Variants in ABCG8 observed in about 807,000 individuals in gnomAD.
ABCG8 encodes the protein ATP-binding cassette sub-family G member 8.
Under a neutral mutation model 71.3 loss-of-function variants are expected in ABCG8, and 81 were observed. The ratio of observed to expected loss-of-function variants is 1.14; its 90% confidence interval spans 0.95 to 1.37. The LOEUF (loss-of-function observed/expected upper bound fraction) is 1.37, where lower values mean the gene tolerates loss of function less well. Among genes scored for constraint, ABCG8 ranks in the 40% most tolerant of loss-of-function variants. The probability of loss-of-function intolerance (pLI) is 0.00; values close to 1 mark genes in which losing one functional copy is unlikely to be tolerated. For synonymous variants in ABCG8, 451 were observed against 354.7 expected, an observed-to-expected ratio of 1.27 and a Z score of -3.05; for missense variants, 1,119 against 866.2, an observed-to-expected ratio of 1.29 and a Z score of -3.66.
At chr2:43,867,547 C>T (rs143141324) in intron 6 of ABCG8, among the ~76,000 whole-genome samples, 1 of 150,384 alleles carries the variant, frequency 6.6e-6, no homozygotes, top group Non-Finnish European at 1.5e-5. Context: ...GCATGGAACT[C>T]TCACTATCTG....
intron 11 of ABCG8, 72 bp downstream of exon 11, chr2:43,875,485 T>C (rs1669932450): frequency 3.2e-6 from 5 of 1,548,734 alleles, no homozygotes; most frequent in Admixed American, 1.8e-5. Context: ...TGCTTTCATC[T>C]GGAGATGGAC....
chr2:43,877,713 T>C (rs751396248), intron 12 of ABCG8, 25 bp downstream of exon 12: 50 of 1,614,028 alleles, frequency 3.1e-5, no homozygotes, highest in Non-Finnish European at 4.2e-5. Context: ...CCTCGGGTTC[T>C]AAATTATTGG....
rs558820310 is a variant in ABCG8 at position 43,877,529 on chromosome 2, C to T, written c.1757-32C>T. 21 of 1,612,726 alleles carry T rather than the reference C, an allele frequency of 1.3e-5. No homozygotes were observed. The South Asian group carries it at 2.0e-4, about 15-fold the overall frequency. On this transcript the variant is annotated intron_variant, in intron 11 of 12. Coordinates refer to ENST00000272286, the MANE Select transcript of ABCG8 (RefSeq NM_022437.3). ...GGGGAAACCATGAGAATATGAGGGA[C>T]ACCTGTGAGTAACGCGGCTGTCTGT...
rs566362108 is a variant in ABCG8, at chr2:43,839,048, G to C, written c.-6G>C. 1 of 1,550,914 alleles carries C rather than the reference G, an allele frequency of 6.4e-7. No individual in the cohort carries two copies. Among genetic ancestry groups the C allele is most frequent in the African/African-American group, 1.4e-5 (1 of 73,166 alleles). ...TGCAGCCCAGGGTCACAGACCTGTGGGCCCCATGGCCGGGAAGGCGGCAGA... is the reference window on the plus strand; with the variant it reads ...TGCAGCCCAGGGTCACAGACCTGTGCGCCCCATGGCCGGGAAGGCGGCAGA... On this transcript the variant is annotated 5_prime_UTR_variant, in exon 1 of 13. Transcript: ENST00000272286.
At chr2:43,863,173 G>A (rs982671882) in intron 6 of ABCG8, among the ~76,000 whole-genome samples, 8 of 149,040 alleles carry the variant, frequency 5.4e-5, no homozygotes, top group Non-Finnish European at 1.2e-4. Context: ...TTCACTCTCT[G>A]GATATAACTC....
chr2:43,877,814 C>T lies in ABCG8; in HGVS notation c.1923C>T (p.Tyr641=), dbSNP rs369023184. The T allele has an allele frequency of 6.2e-6, 10 of 1,614,060 alleles. No homozygotes were observed. Among genetic ancestry groups the T allele is most frequent in the East Asian group, 2.2e-5 (1 of 44,896 alleles). The change falls in exon 13 of 13, where the codon TAC becomes TAT. Residue 641 remains tyrosine (Y), a synonymous_variant. Coordinates refer to ENST00000272286, the MANE Select transcript of ABCG8 (RefSeq NM_022437.3). ...SVMELDSYPL[Y]AIYLIVIGLS... ...TGGAGCTGGACTCGTACCCTCTCTA[C>T]GCCATCTACCTCATCGTCATTGGCC...
chr2:43,846,406 G>A lies in ABCG8; in HGVS notation c.322+95G>A, dbSNP rs2104912704. 3.9e-6 allele frequency: 6 copies of A among 1,554,050 alleles called. 1 individual carries two copies. In the South Asian group the frequency reaches 5.6e-5, roughly 15 times the overall value. On this transcript the variant is annotated intron_variant, in intron 3 of 12. Transcript: ENST00000272286. ...GATGCTTCTTATGGAGCTCTTTGCT[G>A]ACTAGTAGAATAATACAGCAGAATG...
chr2:43,860,541 C>G (rs562605281), intron 6 of ABCG8, among the ~76,000 whole-genome samples: 7 of 151,314 alleles, frequency 4.6e-5, no homozygotes, highest in Non-Finnish European at 1.0e-4. Context: ...AATTCTCACT[C>G]TCTCGATTGA....
intron 6 of ABCG8, among the ~76,000 whole-genome samples, chr2:43,858,274 C>G (rs1669182759): frequency 6.6e-6 from 1 of 150,764 alleles, no homozygotes; most frequent in Non-Finnish European, 1.5e-5. Context: ...GAATTGAACT[C>G]TCACTAACTG....
chr2:43,849,562 G>A (rs1368422304), intron 3 of ABCG8, among the ~76,000 whole-genome samples: 4 of 152,162 alleles, frequency 2.6e-5, no homozygotes, highest in African/African-American at 7.2e-5. Flanking sequence ...TGGGGACACA[G>A]AGCCAAACCA....
chr2:43,867,269 C>A (rs1422297189), intron 6 of ABCG8, among the ~76,000 whole-genome samples: 1 of 151,548 alleles, frequency 6.6e-6, no homozygotes, highest in African/African-American at 2.4e-5. Context: ...GCGGGTGCAG[C>A]GCACCAGCAT....
intron 6 of ABCG8, among the ~76,000 whole-genome samples, chr2:43,861,380 A>G (rs1669312026): frequency 6.6e-6 from 1 of 151,276 alleles, no homozygotes; most frequent in South Asian, 2.1e-4. Flanking sequence ...TTCTCTGGAT[A>G]GATCTCTCAC....
intron 6 of ABCG8, among the ~76,000 whole-genome samples, chr2:43,867,629 C>G (rs1669577438): frequency 6.6e-6 from 1 of 151,884 alleles, no homozygotes; most frequent in Non-Finnish European, 1.5e-5. Flanking sequence ...CTGCATAGAA[C>G]TCTCACTGTC....
At chr2:43,866,515 C>A (rs886746877) in intron 6 of ABCG8, among the ~76,000 whole-genome samples, 3 of 151,824 alleles carry the variant, frequency 2.0e-5, no homozygotes, top group African/African-American at 7.3e-5. Flanking sequence ...AACAAACAAC[C>A]CCATCAAAAA....
intron 8 of ABCG8, among the ~76,000 whole-genome samples, chr2:43,872,767 C>T (rs954114151): frequency 1.1e-4 from 17 of 152,150 alleles, no homozygotes; most frequent in African/African-American, 4.1e-4. Flanking sequence ...CACAGAACAC[C>T]CCTATTGCTT....
At chr2:43,844,109 G>A (rs1273132345) in intron 1 of ABCG8, among the ~76,000 whole-genome samples, 1 of 152,176 alleles carries the variant, frequency 6.6e-6, no homozygotes, top group Non-Finnish European at 1.5e-5. Context: ...CAGCTGCAGG[G>A]AAGAGAAAGT....
chr2:43,870,809 T>C (rs1669738268), intron 6 of ABCG8, among the ~76,000 whole-genome samples: 1 of 150,570 alleles, frequency 6.6e-6, no homozygotes, highest in Non-Finnish European at 1.5e-5. Flanking sequence ...ACTATCTAGA[T>C]AGAATTCTCA....
chr2:43,870,708 TCTCA>T (rs1360064721), intron 6 of ABCG8, among the ~76,000 whole-genome samples: 2 of 152,032 alleles, frequency 1.3e-5, no homozygotes, highest in Non-Finnish European at 2.9e-5. Context: ...TGGATCGAAC[TCTCA>T]CTATCTGTCT....
intron 3 of ABCG8, chr2:43,846,729 A>G: frequency 3.4e-6 from 1 of 290,376 alleles, no homozygotes; most frequent in South Asian, 3.6e-5. Context: ...CACCTCTCAG[A>G]CAGCCTCTCC....
Sources: allele counts gnomAD v4.1 joint callset (sites outside exome capture counted in the v4.1 genomes callset), GRCh38; gene constraint gnomAD v4.1.1; transcripts MANE v1.5; gene names NCBI Gene and HGNC (gene_info 2026-07-23, HGNC 2026-07-21).